The following LTBP1 variants were observed in gnomAD, a reference collection of about 807,000 sequenced individuals.
LTBP1 encodes the protein latent-transforming growth factor beta-binding protein 1.
Under a neutral mutation model 207.6 loss-of-function variants are expected in LTBP1, and 129 were observed. That is an observed-to-expected ratio of 0.62 (90% CI 0.54 to 0.72). The LOEUF is 0.72. Among genes scored for constraint, LTBP1 ranks in the 30% least tolerant of loss-of-function variants. The probability of loss-of-function intolerance (pLI) is 0.00; values close to 1 mark genes in which losing one functional copy is unlikely to be tolerated. For missense variants in LTBP1, 2,281 were observed against 2,217.2 expected (o/e 1.03, Z -0.58); for synonymous variants, 963 against 833.7 (o/e 1.16, Z -2.67).
At position 33,001,107 on chromosome 2, in the gene LTBP1, C is replaced by T. The variant is rs947685579; in HGVS notation, c.566-19802C>T. Among the ~76,000 whole-genome samples, 12 of 134,672 alleles carry T rather than the reference C, an allele frequency of 8.9e-5. 1 individual carries two copies. Among genetic ancestry groups the T allele is most frequent in the Non-Finnish European group, 1.1e-4 (7 of 61,296 alleles). The allele number at this position is 134,672 out of a possible 152,430, so 88.4% of individuals were successfully genotyped here. A position where few individuals can be genotyped will look rare whatever the true frequency, so the allele number is the denominator to read the frequency against. On this transcript the variant is annotated intron_variant, in intron 2 of 33. Transcript: ENST00000404816. ...TCCCTGAGCTGCCTCATACCTGGCCCATGATGCTAACTATCCACAATGACC... is the reference window on the plus strand; with the variant it reads ...TCCCTGAGCTGCCTCATACCTGGCCTATGATGCTAACTATCCACAATGACC...
At chr2:33,257,572 C>A in intron 12 of LTBP1, 61 bp downstream of exon 12, 1 of 1,391,900 alleles carries the variant, frequency 7.2e-7, no homozygotes, top group Non-Finnish European at 1.0e-6. Flanking sequence ...GCTTTGATTT[C>A]CCTGTTTATA....
rs902228313 is a variant in LTBP1, at chr2:33,293,089, C to T, written c.3113-71C>T. On this transcript the variant is annotated intron_variant, in intron 19 of 33. Transcript: ENST00000404816. ...GAAGGTCTACTGTTTCCATTTCTAACCAAATTTAACTTTATCCATGTTTTC... is the reference window on the plus strand; with the variant it reads ...GAAGGTCTACTGTTTCCATTTCTAATCAAATTTAACTTTATCCATGTTTTC... The T allele has an allele frequency of 8.0e-6, 12 of 1,505,500 alleles. No individual in the cohort carries two copies. In the African/African-American group the frequency reaches 1.7e-4, roughly 21 times the overall value. 93.3% of individuals were successfully genotyped at this position (1,505,500 alleles called of 1,614,324 possible). A position where few individuals can be genotyped will look rare whatever the true frequency, so the allele number is the denominator to read the frequency against.
intron 19 of LTBP1, among the ~76,000 whole-genome samples, chr2:33,284,276 A>G (rs1398883341): frequency 6.6e-6 from 1 of 152,184 alleles, no homozygotes; most frequent in Non-Finnish European, 1.5e-5. Context: ...TTTTTTCCCT[A>G]GTGTTTAGCT....
intron 4 of LTBP1, among the ~76,000 whole-genome samples, chr2:33,127,460 C>T (rs995107934): frequency 6.6e-6 from 1 of 152,130 alleles, no homozygotes; most frequent in Admixed American, 6.5e-5. Flanking sequence ...GCTTTCCCTT[C>T]CCATTGTCCA....
At chr2:33,039,218 A>T (rs1436530005) in intron 3 of LTBP1, among the ~76,000 whole-genome samples, 1 of 152,150 alleles carries the variant, frequency 6.6e-6, no homozygotes, top group African/African-American at 2.4e-5. Flanking sequence ...CATTCTAGGA[A>T]GAGTAAATGG....
intron 5 of LTBP1, among the ~76,000 whole-genome samples, chr2:33,179,707 G>A (rs1247846749): frequency 6.6e-6 from 1 of 152,006 alleles, no homozygotes; most frequent in African/African-American, 2.4e-5. Context: ...GTAAAATAAG[G>A]TTTAAAAACC....
chr2:33,270,224 A>T (rs1253041973), intron 15 of LTBP1, among the ~76,000 whole-genome samples: 1 of 151,558 alleles, frequency 6.6e-6, no homozygotes, highest in Admixed American at 6.6e-5. Context: ...ACAGCCTCTG[A>T]TGTTCAACTT....
intron 3 of LTBP1, among the ~76,000 whole-genome samples, chr2:33,091,137 G>A (rs2079065095): frequency 6.6e-6 from 1 of 152,102 alleles, no homozygotes; most frequent in Admixed American, 6.5e-5. Flanking sequence ...GGTTTGCCTG[G>A]TACTTAATGT....
chr2:33,396,639 CA>C (rs1272014074), intron 32 of LTBP1, among the ~76,000 whole-genome samples: 7 of 152,178 alleles, frequency 4.6e-5, no homozygotes, highest in Admixed American at 4.6e-4. Flanking sequence ...GTAGCCAGAG[CA>C]AACAAACACA....
chr2:32,957,887 A>C (rs1572816857), intron 2 of LTBP1, among the ~76,000 whole-genome samples: 1 of 152,192 alleles, frequency 6.6e-6, no homozygotes, highest in African/African-American at 2.4e-5. Context: ...TCATGTAGAC[A>C]CAGTCCATTG....
chr2:33,369,552 C>A (rs2095042412), intron 31 of LTBP1, among the ~76,000 whole-genome samples: 1 of 143,704 alleles, frequency 7.0e-6, no homozygotes, highest in South Asian at 2.1e-4. Flanking sequence ...AGGGAGGTAG[C>A]CCCAAAGGAA....
At chr2:33,228,718 T>TTTTTTTTTTTTTTTTTTG (rs2091606425) in intron 9 of LTBP1, among the ~76,000 whole-genome samples, 1 of 142,940 alleles carries the variant, frequency 7.0e-6, no homozygotes, top group Non-Finnish European at 1.5e-5. Context: ...TTTTTTTTTT[T>TTTTTTTTTTTTTTTTTTG]GAGATGGAGT....
In LTBP1 at chr2:33,217,599, A is replaced by G; in HGVS notation, c.1749A>G (p.Gly583=). The G allele has an allele frequency of 6.2e-7, 1 of 1,613,874 alleles. No individual in the cohort carries two copies. Among genetic ancestry groups the G allele is most frequent in the Non-Finnish European group, 8.5e-7 (1 of 1,179,884 alleles). The change falls in exon 8 of 34, where the codon GGA becomes GGG. Residue 583 remains glycine (G), a synonymous_variant. Coordinates refer to ENST00000404816, the MANE Select transcript of LTBP1 (RefSeq NM_206943.4). ...PGLSKQEDCC[G]TVGTSWGFNK... is the part of the protein sequence containing the mutation. ...TTTCAAAGCAAGAGGACTGCTGTGG[A>G]ACTGTGGGTACCTCCTGGGGCTTTA...
intron 5 of LTBP1, among the ~76,000 whole-genome samples, chr2:33,180,454 GTTTT>G (rs5830252): frequency 7.6e-6 from 1 of 131,984 alleles, no homozygotes; most frequent in African/African-American, 2.8e-5. Context: ...GCGTGGCATA[GTTTT>G]TTTTTTTTTT....
chr2:32,957,774 G>C (rs910144990), intron 2 of LTBP1, among the ~76,000 whole-genome samples: 1 of 152,184 alleles, frequency 6.6e-6, no homozygotes, highest in Non-Finnish European at 1.5e-5. Flanking sequence ...CACAGTGTTT[G>C]TGAAGTGCAG....
chr2:33,277,311 G>A (rs548341175), intron 18 of LTBP1, among the ~76,000 whole-genome samples: 60 of 152,116 alleles, frequency 3.9e-4, no homozygotes, highest in Middle Eastern at 6.8e-3. Flanking sequence ...CCTCCCCGAG[G>A]GCCACGAGGC....
intron 5 of LTBP1, among the ~76,000 whole-genome samples, chr2:33,175,577 A>T (rs1036495265): frequency 6.6e-6 from 1 of 152,248 alleles, no homozygotes; most frequent in Admixed American, 6.5e-5. Context: ...TAGTTCAACC[A>T]TTGTGGAAGT....
At chr2:33,363,631 A>T in intron 29 of LTBP1, 113 bp downstream of exon 29, 1 of 1,221,908 alleles carries the variant, frequency 8.2e-7, no homozygotes, top group South Asian at 2.0e-5. Flanking sequence ...TGTTGAAAAG[A>T]TGTGTAAACG....
intron 13 of LTBP1, among the ~76,000 whole-genome samples, chr2:33,262,406 A>G (rs1003955982): frequency 6.6e-6 from 1 of 152,190 alleles, no homozygotes; most frequent in Middle Eastern, 3.2e-3. Context: ...CAGACCAAAT[A>G]TGGACCCCTG....
Sources: allele counts gnomAD v4.1 joint callset (sites outside exome capture counted in the v4.1 genomes callset), GRCh38; gene constraint gnomAD v4.1.1; transcripts MANE v1.5; gene names NCBI Gene and HGNC (gene_info 2026-07-23, HGNC 2026-07-21).